Variants in GPATCH2 observed in about 807,000 individuals in gnomAD.
The protein encoded by GPATCH2 is G patch domain-containing protein 2.
GPATCH2 carries 51 observed loss-of-function variants against 58.0 expected under a neutral mutation model. The observed-to-expected ratio is 0.88, with a 90% confidence interval of 0.70 to 1.11. The LOEUF is 1.11. Ranked by LOEUF, GPATCH2 falls within the 50% of genes most tolerant of loss-of-function variation. The pLI is 0.00. For synonymous variants in GPATCH2, 222 were observed against 218.5 expected (o/e 1.02, Z -0.14); for missense variants, 625 against 652.2 (o/e 0.96, Z 0.45).
intron 8 of GPATCH2, among the ~76,000 whole-genome samples, chr1:217,468,003 A>AT (rs1422292884): frequency 2.0e-5 from 3 of 152,206 alleles, no homozygotes; most frequent in African/African-American, 7.2e-5. Flanking sequence ...AACATATCAA[A>AT]TGTGTTTAAA....
chr1:217,579,948 A>G lies in GPATCH2; in HGVS notation c.1098+30373T>C, dbSNP rs1415644604. On this transcript the variant is annotated intron_variant, in intron 5 of 9. Transcript: ENST00000366935. ...ATCCAATATGGTAGCCACTAGTTAT[A>G]TGTGGCTATTAAGATACGTTCAAAG... 2.6e-5 allele frequency among the ~76,000 whole-genome samples: 4 copies of G among 152,228 alleles called. No homozygotes were observed. In the East Asian group the frequency reaches 7.7e-4, roughly 29 times the overall value.
chr1:217,489,900 A>G (rs1661636640), intron 8 of GPATCH2, among the ~76,000 whole-genome samples: 1 of 152,166 alleles, frequency 6.6e-6, no homozygotes, highest in Non-Finnish European at 1.5e-5. Context: ...CTCAAATTAA[A>G]GAAATTTTTT....
chr1:217,577,314 G>A lies in GPATCH2; in HGVS notation c.1098+33007C>T, dbSNP rs377572200. On this transcript the variant is annotated intron_variant, in intron 5 of 9. Coordinates refer to ENST00000366935, the MANE Select transcript of GPATCH2 (RefSeq NM_018040.5). ...AACCAAAACACTTTTATTGTGAGAG[G>A]TGGCAGTATACTGTAATATTTAAGA... is the stretch of plus-strand genomic sequence containing the variant. Among the ~76,000 whole-genome samples the A allele has an allele frequency of 1.6e-3, 238 of 152,242 alleles. 1 individual carries two copies. The highest frequency in any genetic ancestry group is 5.6e-3 in the African/African-American group (232 of 41,536).
chr1:217,463,641 CAAAAAAAAAAAAAAAAAAAAAAA>C (rs201402598), intron 8 of GPATCH2, among the ~76,000 whole-genome samples: 1 of 82,454 alleles, frequency 1.2e-5, no homozygotes. Context: ...CTTATCACTC[CAAAAAAAAAAAAAAAAAAAAAAA>C]AAAAAAAAAA....
At chr1:217,532,769 A>G (rs1445855382) in intron 5 of GPATCH2, among the ~76,000 whole-genome samples, 1 of 152,164 alleles carries the variant, frequency 6.6e-6, no homozygotes, top group Non-Finnish European at 1.5e-5. Flanking sequence ...TACATGTTCA[A>G]GGAGTAGGAT....
chr1:217,627,982 T>C lies in GPATCH2; in HGVS notation c.56+2934A>G, dbSNP rs73105688. Among the ~76,000 whole-genome samples the C allele has an allele frequency of 8.1e-3, 1,239 of 152,218 alleles. 15 individuals carry two copies. Among genetic ancestry groups the C allele is most frequent in the African/African-American group, 0.022 (929 of 41,574 alleles). ...ATTATAGCTCTTGTCAATATGCATA[T>C]ATTCAAATGCATTAGGCAAACAGTA... On this transcript the variant is annotated intron_variant, in intron 1 of 9. Coordinates refer to ENST00000366935, the MANE Select transcript of GPATCH2 (RefSeq NM_018040.5).
chr1:217,597,851 C>T lies in GPATCH2; in HGVS notation c.1098+12470G>A, dbSNP rs577235897. On this transcript the variant is annotated intron_variant, in intron 5 of 9. Coordinates refer to ENST00000366935, the MANE Select transcript of GPATCH2 (RefSeq NM_018040.5). ...GCAACTTGTCACAGGGAAATCCCTA[C>T]GGATAGCAACACATACAGATCCCCC... 4.2e-4 allele frequency among the ~76,000 whole-genome samples: 64 copies of T among 152,238 alleles called. 1 individual carries two copies. In the South Asian group the frequency reaches 8.1e-3, roughly 19 times the overall value.
intron 9 of GPATCH2, among the ~76,000 whole-genome samples, chr1:217,447,850 C>T (rs6681715): frequency 1.3e-5 from 2 of 152,184 alleles, no homozygotes; most frequent in African/African-American, 4.8e-5. Flanking sequence ...GTAATCCCAG[C>T]ACTCTGTGAG....
chr1:217,610,926 A>G lies in GPATCH2; in HGVS notation c.981T>C (p.Thr327=). ...GGTGTGACATAAGGGGAAAAGAACC[A>G]GTTAAGATACTTTCAAAGACAGGAT... ...VPDPVFESIL[T]GSFPLMSHPS... Residue 327 remains threonine, a synonymous_variant, in exon 4 of 10, where the codon ACT becomes ACC. Coordinates refer to ENST00000366935, the MANE Select transcript of GPATCH2 (RefSeq NM_018040.5). 1.2e-6 allele frequency: 2 copies of G among 1,613,600 alleles called. No individual in the cohort carries two copies. Among genetic ancestry groups the G allele is most frequent in the Non-Finnish European group, 1.7e-6 (2 of 1,179,744 alleles).
intron 5 of GPATCH2, among the ~76,000 whole-genome samples, chr1:217,582,574 T>C (rs867650605): frequency 6.6e-5 from 10 of 152,224 alleles, no homozygotes; most frequent in African/African-American, 1.9e-4. Flanking sequence ...AATTTTACTT[T>C]TAAAAAAGCA....
chr1:217,431,476 G>A lies in GPATCH2; in HGVS notation c.1367-111C>T, dbSNP rs184445871. The stretch of plus-strand genomic sequence containing the variant: ...TTGTTTTGTTTTGTTTTTCAACCAG[G>A]TACTAGAGGGGGTTGCGTATTCATC... On this transcript the variant is annotated intron_variant, in intron 9 of 9. Coordinates refer to ENST00000366935, the MANE Select transcript of GPATCH2 (RefSeq NM_018040.5). The A allele has an allele frequency of 3.2e-5, 22 of 686,646 alleles. No individual in the cohort carries two copies. The African/African-American group carries it at 3.4e-4, about 11-fold the overall frequency. The allele number at this position is 686,646 out of a possible 1,614,324, so 42.5% of individuals were successfully genotyped here.
chr1:217,604,509 A>G (rs1474733308), intron 5 of GPATCH2, among the ~76,000 whole-genome samples: 2 of 152,202 alleles, frequency 1.3e-5, no homozygotes, highest in Admixed American at 6.5e-5. Context: ...AAAGTATCCC[A>G]AAATGTCTTA....
intron 5 of GPATCH2, among the ~76,000 whole-genome samples, chr1:217,543,970 A>G (rs529944170): frequency 2.6e-5 from 4 of 152,304 alleles, no homozygotes; most frequent in East Asian, 1.9e-4. Flanking sequence ...ATGGACTAGA[A>G]GTTAATATCA....
intron 8 of GPATCH2, among the ~76,000 whole-genome samples, chr1:217,463,847 A>G (rs1450161108): frequency 6.6e-6 from 1 of 152,050 alleles, no homozygotes; most frequent in Admixed American, 6.6e-5. Flanking sequence ...TGAGAGATTG[A>G]AAGGAGTGAA....
At chr1:217,462,023 G>A (rs1660222488) in intron 8 of GPATCH2, among the ~76,000 whole-genome samples, 1 of 152,162 alleles carries the variant, frequency 6.6e-6, no homozygotes, top group Non-Finnish European at 1.5e-5. Context: ...AGGATTTCAG[G>A]ATTCTCCTAA....
chr1:217,584,212 T>C (rs1365464829), intron 5 of GPATCH2, among the ~76,000 whole-genome samples: 1 of 151,280 alleles, frequency 6.6e-6, no homozygotes, highest in Non-Finnish European at 1.5e-5. Flanking sequence ...AAATTAATGT[T>C]CGAGGCCTCC....
intron 5 of GPATCH2, among the ~76,000 whole-genome samples, chr1:217,567,046 CTT>C (rs71301102): frequency 3.7e-5 from 5 of 133,576 alleles, no homozygotes; most frequent in Non-Finnish European, 4.7e-5. Context: ...TAACTTCTGG[CTT>C]TTTTTTTTTT....
chr1:217,497,761 A>G (rs935173382), intron 7 of GPATCH2, among the ~76,000 whole-genome samples: 1 of 152,212 alleles, frequency 6.6e-6, no homozygotes, highest in South Asian at 2.1e-4. Context: ...ATATGTTTTA[A>G]AACATCACAA....
chr1:217,631,070 G>T lies in GPATCH2; in HGVS notation c.-99C>A. On this transcript the variant is annotated 5_prime_UTR_variant, in exon 1 of 10. Transcript: ENST00000366935. ...TCCAAAGAGCAGTTCAGCATTTTGA[G>T]ATGAGCTTCCGGAAGCCGACAGGCG... The T allele has an allele frequency of 8.3e-7, 1 of 1,197,768 alleles. No individual in the cohort carries two copies. The highest frequency in any genetic ancestry group is 1.2e-6 in the Non-Finnish European group (1 of 852,582). 74.2% of individuals were successfully genotyped at this position (1,197,768 alleles called of 1,614,324 possible).
Sources: allele counts gnomAD v4.1 joint callset (sites outside exome capture counted in the v4.1 genomes callset), GRCh38; gene constraint gnomAD v4.1.1; transcripts MANE v1.5; gene names NCBI Gene and HGNC (gene_info 2026-07-23, HGNC 2026-07-21).